The following CFAP299 variants were observed in gnomAD, a reference collection of about 807,000 sequenced individuals.
CFAP299 encodes the protein cilia and flagella associated protein 299, also known as cilia- and flagella-associated protein 299.
CFAP299 carries 21 observed loss-of-function variants against 27.0 expected under a neutral mutation model. The observed-to-expected ratio is 0.78, with a 90% CI of 0.55 to 1.12. The LOEUF is 1.12. CFAP299 is among the 50% of genes most tolerant of loss of function. CFAP299 has a pLI of 0.00. For synonymous variants in CFAP299, 104 were observed against 98.1 expected, an observed-to-expected ratio of 1.06 and a Z score of -0.36; for missense variants, 310 against 276.6, an observed-to-expected ratio of 1.12 and a Z score of -0.86.
chr4:80,393,811 A>G (rs1047837594), intron 2 of CFAP299, among the ~76,000 whole-genome samples: 3 of 152,110 alleles, frequency 2.0e-5, no homozygotes, highest in African/African-American at 7.2e-5. Flanking sequence ...CCTGTTGACC[A>G]TTTGTATGTT....
chr4:80,731,408 C>A (rs1723514147), intron 3 of CFAP299, among the ~76,000 whole-genome samples: 1 of 152,202 alleles, frequency 6.6e-6, no homozygotes, highest in South Asian at 2.1e-4. Flanking sequence ...TGGAGGCATG[C>A]ATGCGGAAAT....
chr4:80,412,886 A>G (rs1338032741), intron 2 of CFAP299, among the ~76,000 whole-genome samples: 1 of 152,184 alleles, frequency 6.6e-6, no homozygotes, highest in Admixed American at 6.5e-5. Context: ...TTCAGCCTCA[A>G]GAAGATTTAG....
chr4:80,900,443 A>C (rs1189932722), intron 4 of CFAP299, among the ~76,000 whole-genome samples: 2 of 152,142 alleles, frequency 1.3e-5, no homozygotes, highest in African/African-American at 4.8e-5. Context: ...CAGACATGCC[A>C]GCATGTGTTA....
In CFAP299 at chr4:80,916,295, A is replaced by ATG. The variant is rs1405206483; in HGVS notation, c.477-28514_477-28513insGT. On this transcript the variant is annotated intron_variant, in intron 4 of 5. Transcript: ENST00000358105. ...TATATATATATATATATATATATAT[A>ATG]TTTCAGGTACAGATCATCTGTTCCT... 2.4e-5 allele frequency among the ~76,000 whole-genome samples: 3 copies of ATG among 125,592 alleles called. No individual in the cohort carries two copies. The East Asian group carries it at 6.9e-4, about 29-fold the overall frequency. The allele number at this position is 125,592 out of a possible 152,430, so 82.4% of individuals were successfully genotyped here. A position where few individuals can be genotyped will look rare whatever the true frequency, so the allele number is the denominator to read the frequency against.
chr4:80,513,263 C>T (rs1578538161), intron 2 of CFAP299, among the ~76,000 whole-genome samples: 2 of 152,224 alleles, frequency 1.3e-5, no homozygotes, highest in East Asian at 3.9e-4. Context: ...AATTCTGAAA[C>T]ATTTTAGGCA....
At chr4:80,515,749 G>A (rs1732552736) in intron 2 of CFAP299, among the ~76,000 whole-genome samples, 1 of 152,128 alleles carries the variant, frequency 6.6e-6, no homozygotes, top group Admixed American at 6.6e-5. Context: ...TAGACTTAAT[G>A]TAAACCACTT....
chr4:80,610,262 A>T (rs150621008), intron 3 of CFAP299, among the ~76,000 whole-genome samples: 6 of 152,146 alleles, frequency 3.9e-5, no homozygotes, highest in Admixed American at 3.9e-4. Flanking sequence ...TTCTTAGAAG[A>T]CAGCACACTG....
intron 3 of CFAP299, among the ~76,000 whole-genome samples, chr4:80,590,192 T>G (rs1736655353): frequency 6.6e-6 from 1 of 152,202 alleles, no homozygotes; most frequent in Non-Finnish European, 1.5e-5. Context: ...TGTTTCGGAA[T>G]GATGTGTACA....
chr4:80,953,880 A>G (rs561419283), intron 5 of CFAP299, among the ~76,000 whole-genome samples: 60 of 152,188 alleles, frequency 3.9e-4, no homozygotes, highest in Non-Finnish European at 7.4e-4. Context: ...CCAATAAAGC[A>G]TACATGACAA....
intron 3 of CFAP299, among the ~76,000 whole-genome samples, chr4:80,854,013 G>A (rs1731682731): frequency 6.6e-6 from 1 of 152,152 alleles, no homozygotes; most frequent in Non-Finnish European, 1.5e-5. Context: ...ACTGGTGTGT[G>A]AATGCAGACA....
In CFAP299 at chr4:80,858,296, CT is replaced by C. The variant is rs953422804; in HGVS notation, c.334-11690del. Among the ~76,000 whole-genome samples the C allele has an allele frequency of 2.8e-3, 428 of 151,878 alleles. 1 individual carries two copies. The highest frequency in any genetic ancestry group is 9.3e-3 in the African/African-American group (387 of 41,452). On this transcript the variant is annotated intron_variant, in intron 3 of 5. Coordinates refer to ENST00000358105, the MANE Select transcript of CFAP299 (RefSeq NM_152770.3). ...TATTGTGTCTATTTGATTCTTCTCTCTTTTTTTCTTTATTAGTCTTGCTAGC... is the reference window on the plus strand; with the variant it reads ...TATTGTGTCTATTTGATTCTTCTCTCTTTTTTCTTTATTAGTCTTGCTAGC...
intron 3 of CFAP299, among the ~76,000 whole-genome samples, chr4:80,672,583 C>T (rs946733120): frequency 1.6e-4 from 25 of 152,088 alleles, no homozygotes; most frequent in Admixed American, 1.5e-3. Flanking sequence ...GGAATGGTAC[C>T]AGCTCCTATT....
At chr4:80,343,588 G>A (rs903775682) in intron 1 of CFAP299, among the ~76,000 whole-genome samples, 5 of 152,008 alleles carry the variant, frequency 3.3e-5, no homozygotes, top group Non-Finnish European at 5.9e-5. Flanking sequence ...AGGAGATCGA[G>A]ACCATCCTGG....
intron 2 of CFAP299, among the ~76,000 whole-genome samples, chr4:80,495,288 G>C (rs992641557): frequency 1.6e-4 from 19 of 121,418 alleles, no homozygotes; most frequent in Non-Finnish European, 2.5e-4. Context: ...TAGCAAAAAA[G>C]GTGTGTAGCA....
chr4:80,753,873 T>G (rs1227582096), intron 3 of CFAP299, among the ~76,000 whole-genome samples: 1 of 152,158 alleles, frequency 6.6e-6, no homozygotes, highest in Non-Finnish European at 1.5e-5. Flanking sequence ...TCCTTCCTCC[T>G]GCTAAAATTA....
intron 4 of CFAP299, among the ~76,000 whole-genome samples, chr4:80,903,411 C>G (rs933507490): frequency 6.6e-6 from 1 of 151,818 alleles, no homozygotes; most frequent in Non-Finnish European, 1.5e-5. Context: ...AAATTGAAAT[C>G]TGAAAAAAAT....
chr4:80,335,674 G>A (rs1017668795), upstream of CFAP299: 6 of 776,776 alleles, frequency 7.7e-6, no homozygotes, highest in African/African-American at 5.1e-5. Flanking sequence ...AGCTCACACC[G>A]GCTTCAACTG....
At chr4:80,560,581 A>G (rs1015975950) in intron 2 of CFAP299, among the ~76,000 whole-genome samples, 3 of 151,908 alleles carry the variant, frequency 2.0e-5, no homozygotes, top group Non-Finnish European at 2.9e-5. Flanking sequence ...AGGGATACCC[A>G]CTGCCCTGAA....
At chr4:80,327,039 T>C in the CFAP299 span, among the ~76,000 whole-genome samples, 1 of 152,316 alleles carries the variant, frequency 6.6e-6, no homozygotes, top group East Asian at 1.9e-4. Context: ...AGGCAGACGT[T>C]ATCTTTACTA....
Sources: allele counts gnomAD v4.1 joint callset (sites outside exome capture counted in the v4.1 genomes callset), GRCh38; gene constraint gnomAD v4.1.1; transcripts MANE v1.5; gene names NCBI Gene and HGNC (gene_info 2026-07-23, HGNC 2026-07-21).